Variants in RANBP17 observed in about 807,000 individuals in gnomAD.
RANBP17 encodes ran-binding protein 17.
In RANBP17, 158 loss-of-function variants were observed where a neutral mutation model predicts 141.2. The ratio of observed to expected loss-of-function variants is 1.12; its 90% CI spans 0.98 to 1.28. The LOEUF (loss-of-function observed/expected upper bound fraction) is 1.28. Among genes scored for constraint, RANBP17 ranks in the 50% most tolerant of loss-of-function variants. The pLI is 0.00. For missense variants in RANBP17, 1,438 were observed against 1,290.7 expected, an observed-to-expected ratio of 1.11 and a Z score of -1.75; for synonymous variants, 430 against 450.0, an observed-to-expected ratio of 0.96 and a Z score of 0.56.
chr5:171,267,026 C>CTTTTTTTTTTT (rs35762251), intron 25 of RANBP17, among the ~76,000 whole-genome samples: 10 of 114,620 alleles, frequency 8.7e-5, no homozygotes, highest in African/African-American at 2.2e-4. Context: ...ATTTTCTTTT[C>CTTTTTTTTTTT]TTTTTTTTTT....
intron 14 of RANBP17, among the ~76,000 whole-genome samples, chr5:170,980,573 C>T (rs369428265): frequency 9.2e-5 from 14 of 152,348 alleles, no homozygotes; most frequent in South Asian, 4.1e-4. Context: ...GCTCAGGCCA[C>T]GGCTTCAGAG....
chr5:171,166,623 T>G (rs1376505654), intron 14 of RANBP17, among the ~76,000 whole-genome samples: 1 of 152,192 alleles, frequency 6.6e-6, no homozygotes, highest in Non-Finnish European at 1.5e-5. Flanking sequence ...CTGTGCTTGA[T>G]GATAAACGAT....
At chr5:170,917,684 TAA>T (rs1204449004) in intron 9 of RANBP17, among the ~76,000 whole-genome samples, 1 of 152,170 alleles carries the variant, frequency 6.6e-6, no homozygotes, top group Non-Finnish European at 1.5e-5. Context: ...GTTTTGCTGA[TAA>T]AGAGGATTTT....
chr5:170,915,019 T>C (rs1771830921), intron 8 of RANBP17, among the ~76,000 whole-genome samples: 1 of 152,158 alleles, frequency 6.6e-6, no homozygotes, highest in Non-Finnish European at 1.5e-5. Context: ...TAAAAAAACA[T>C]GTCTTCTCTT....
At chr5:170,874,519 C>T (rs542690795) in intron 1 of RANBP17, among the ~76,000 whole-genome samples, 2 of 152,194 alleles carry the variant, frequency 1.3e-5, no homozygotes, top group Non-Finnish European at 2.9e-5. Context: ...GCTCCTGCAT[C>T]GGTTGCATAT....
At chr5:170,977,662 A>G (rs1777476756) in intron 14 of RANBP17, among the ~76,000 whole-genome samples, 1 of 152,120 alleles carries the variant, frequency 6.6e-6, no homozygotes. Context: ...ATTCAGCCAT[A>G]AAAAGGAATG....
chr5:171,297,354 T>C (rs1768880502), intron 27 of RANBP17, among the ~76,000 whole-genome samples: 1 of 152,136 alleles, frequency 6.6e-6, no homozygotes, highest in Non-Finnish European at 1.5e-5. Flanking sequence ...AGACAGACAG[T>C]AATGAATGAT....
intron 12 of RANBP17, among the ~76,000 whole-genome samples, chr5:170,943,519 G>C (rs1774505278): frequency 6.6e-6 from 1 of 151,914 alleles, no homozygotes; most frequent in Admixed American, 6.6e-5. Context: ...TAATTATTTT[G>C]TTAAGGAAAA....
intron 14 of RANBP17, among the ~76,000 whole-genome samples, chr5:170,992,804 A>C (rs2127566478): frequency 6.6e-6 from 1 of 152,046 alleles, no homozygotes; most frequent in South Asian, 2.1e-4. Flanking sequence ...AGAAATGTTG[A>C]ATTAGAGTAG....
chr5:171,120,872 A>T (rs1216206132), intron 14 of RANBP17, among the ~76,000 whole-genome samples: 1 of 152,156 alleles, frequency 6.6e-6, no homozygotes, highest in Non-Finnish European at 1.5e-5. Context: ...ACAGACAATG[A>T]TTTACTTGTA....
At chr5:171,005,699 C>T (rs1779550091) in intron 14 of RANBP17, among the ~76,000 whole-genome samples, 1 of 152,140 alleles carries the variant, frequency 6.6e-6, no homozygotes, top group Admixed American at 6.5e-5. Context: ...GACTTCATGT[C>T]TAAAACACCA....
At chr5:171,027,701 T>C (rs142802431) in intron 14 of RANBP17, among the ~76,000 whole-genome samples, 1 of 152,038 alleles carries the variant, frequency 6.6e-6, no homozygotes, top group Non-Finnish European at 1.5e-5. Context: ...CCTAATATAG[T>C]GATTTTTATC....
At chr5:171,077,182 A>C (rs1784981876) in intron 14 of RANBP17, among the ~76,000 whole-genome samples, 1 of 152,072 alleles carries the variant, frequency 6.6e-6, no homozygotes, top group East Asian at 1.9e-4. Context: ...TACTAAAACT[A>C]CAAAAAAATT....
chr5:170,974,290 T>G (rs1777208149), intron 14 of RANBP17, among the ~76,000 whole-genome samples: 1 of 152,186 alleles, frequency 6.6e-6, no homozygotes, highest in Non-Finnish European at 1.5e-5. Flanking sequence ...AGGGTAGTCC[T>G]TGCCATTCCA....
intron 1 of RANBP17, among the ~76,000 whole-genome samples, chr5:170,871,362 T>A (rs1408225541): frequency 6.6e-6 from 1 of 152,292 alleles, no homozygotes; most frequent in Non-Finnish European, 1.5e-5. Flanking sequence ...ATTTGCCCAC[T>A]TTTTGATGGG....
intron 13 of RANBP17, among the ~76,000 whole-genome samples, chr5:170,964,311 A>G (rs1378219755): frequency 3.3e-5 from 5 of 152,210 alleles, no homozygotes; most frequent in African/African-American, 9.7e-5. Context: ...AAAAAATTAT[A>G]AACAACCTTA....
intron 24 of RANBP17, among the ~76,000 whole-genome samples, chr5:171,261,696 T>G (rs1380872528): frequency 1.3e-5 from 2 of 152,186 alleles, no homozygotes; most frequent in African/African-American, 4.8e-5. Flanking sequence ...GCTTAAAAAT[T>G]ATTTCCAAAA....
intron 12 of RANBP17, among the ~76,000 whole-genome samples, chr5:170,928,284 A>G (rs529757732): frequency 3.3e-5 from 5 of 152,220 alleles, no homozygotes; most frequent in African/African-American, 1.2e-4. Flanking sequence ...TATATGTTTT[A>G]CAAATATTTC....
intron 22 of RANBP17, among the ~76,000 whole-genome samples, chr5:171,234,579 TAGC>T (rs1187757667): frequency 6.6e-6 from 1 of 152,172 alleles, no homozygotes; most frequent in Non-Finnish European, 1.5e-5. Flanking sequence ...AACAAAGTAA[TAGC>T]AGTGGGAGTG....
Sources: gnomAD v4.1 joint callset for allele counts (sites outside exome capture counted in the v4.1 genomes callset) on GRCh38, gnomAD v4.1.1 for gene constraint, MANE v1.5 for transcripts, NCBI Gene and HGNC (gene_info 2026-07-23, HGNC 2026-07-21) for gene names.